MAN1A2: variants seen among roughly 807,000 people sequenced by gnomAD.
The protein encoded by MAN1A2 is mannosyl-oligosaccharide 1,2-alpha-mannosidase IB.
In MAN1A2, 26 loss-of-function variants were observed where a neutral mutation model predicts 75.7. That is an observed-to-expected ratio of 0.34 (90% CI 0.25 to 0.48). MAN1A2 has a LOEUF of 0.48. MAN1A2 is among the 20% of genes least tolerant of loss of function. The pLI, the probability that MAN1A2 is intolerant of heterozygous loss-of-function variation, is 0.99. For missense variants in MAN1A2, 562 were observed against 775.5 expected, an observed-to-expected ratio of 0.72 and a Z score of 3.27; for synonymous variants, 247 against 264.6, an observed-to-expected ratio of 0.93 and a Z score of 0.65.
chr1:117,402,386 G>C lies in MAN1A2; in HGVS notation c.503G>C (p.Arg168Pro). The C allele has an allele frequency of 6.2e-7, 1 of 1,613,022 alleles. No homozygotes were observed. Among genetic ancestry groups the C allele is most frequent in the Non-Finnish European group, 8.5e-7 (1 of 1,179,552 alleles). ...PVPIPNLVGIRGGDPEDNDIR... is the reference protein window; with the variant it reads ...PVPIPNLVGIPGGDPEDNDIR... ...CCTATTCCCAACCTTGTAGGAATAC[G>C]TGGTGGAGACCCAGAAGATAATGAC... The change falls in exon 2 of 13, where the codon CGT (arginine) becomes CCT (proline). Residue 168 changes from arginine (R) to proline (P), a missense_variant. By Grantham distance (103) the Arg-to-Pro change is moderately radical. Coordinates refer to ENST00000356554, the MANE Select transcript of MAN1A2 (RefSeq NM_006699.5).
intron 6 of MAN1A2, among the ~76,000 whole-genome samples, chr1:117,452,909 T>C (rs1235858276): frequency 2.0e-5 from 3 of 152,218 alleles, no homozygotes; most frequent in Non-Finnish European, 4.4e-5. Context: ...AAGGACAGGC[T>C]GACTCTTGTT....
rs112662550 is a variant in MAN1A2, at chr1:117,439,604, C to T, written c.856-2627C>T. 1.4e-4 allele frequency among the ~76,000 whole-genome samples: 21 copies of T among 152,118 alleles called. 2 individuals are homozygous for T. The highest frequency in any genetic ancestry group is 7.8e-4 in the East Asian group (4 of 5,150). ...CGCCTCCCGGGTTCAAATGATTCTC[C>T]GGCCTCAGCCTCCTGAGTAGCTGGG... On this transcript the variant is annotated intron_variant, in intron 5 of 12. Transcript: ENST00000356554.
chr1:117,508,115 A>T (rs2101886869), intron 12 of MAN1A2, among the ~76,000 whole-genome samples: 1 of 151,662 alleles, frequency 6.6e-6, no homozygotes, highest in East Asian at 1.9e-4. Context: ...TTATATATGT[A>T]CCTTAGTGTC....
At chr1:117,398,266 A>G (rs569220384) in intron 1 of MAN1A2, among the ~76,000 whole-genome samples, 4 of 152,326 alleles carry the variant, frequency 2.6e-5, no homozygotes, top group South Asian at 4.1e-4. Context: ...ATCTAGGAGA[A>G]GTTATGATTG....
intron 6 of MAN1A2, among the ~76,000 whole-genome samples, chr1:117,456,475 A>G (rs529827243): frequency 2.6e-5 from 4 of 152,134 alleles, no homozygotes; most frequent in South Asian, 4.1e-4. Flanking sequence ...GGTATCCTGT[A>G]AAATAATTCT....
intron 8 of MAN1A2, among the ~76,000 whole-genome samples, chr1:117,490,731 C>T (rs1650852100): frequency 6.6e-6 from 1 of 152,014 alleles, no homozygotes; most frequent in Non-Finnish European, 1.5e-5. Flanking sequence ...AAGCCTCTTG[C>T]ACCAGTTAGG....
intron 1 of MAN1A2, among the ~76,000 whole-genome samples, chr1:117,400,131 A>G (rs1647373620): frequency 6.6e-6 from 1 of 151,874 alleles, no homozygotes; most frequent in Non-Finnish European, 1.5e-5. Flanking sequence ...TCAGTTTCTC[A>G]TGGTTTCATT....
In MAN1A2 at chr1:117,499,565, CA is replaced by C; in HGVS notation, c.1677+13del. ...TGGGAAGCAGCACTGGTAAATAAGCCAATATTCCATTTTATCTGCAAGAGTG... is the reference window on the plus strand; with the variant it reads ...TGGGAAGCAGCACTGGTAAATAAGCCATATTCCATTTTATCTGCAAGAGTG... On this transcript the variant is annotated intron_variant, in intron 11 of 12. Coordinates refer to ENST00000356554, the MANE Select transcript of MAN1A2 (RefSeq NM_006699.5). 1.9e-6 allele frequency: 3 copies of C among 1,584,502 alleles called. No homozygotes were observed. Among genetic ancestry groups the C allele is most frequent in the Non-Finnish European group, 2.6e-6 (3 of 1,165,838 alleles).
At chr1:117,394,143 G>A (rs138757754) in intron 1 of MAN1A2, among the ~76,000 whole-genome samples, 11,691 of 151,100 alleles carry the variant, frequency 0.077, 508 homozygotes, top group Middle Eastern at 0.15. Flanking sequence ...GTGCAGTGGC[G>A]CAGTCTTGGC....
intron 1 of MAN1A2, among the ~76,000 whole-genome samples, chr1:117,376,156 C>T (rs1291061730): frequency 2.0e-5 from 3 of 152,166 alleles, no homozygotes; most frequent in South Asian, 2.1e-4. Context: ...GTGATCCGCC[C>T]GCCTCGGCCT....
At chr1:117,393,660 T>G (rs567614221) in intron 1 of MAN1A2, among the ~76,000 whole-genome samples, 2 of 151,850 alleles carry the variant, frequency 1.3e-5, no homozygotes, top group East Asian at 3.9e-4. Flanking sequence ...CATTTAGCAT[T>G]TTTTTTTAGT....
chr1:117,393,205 C>A (rs1653788866), intron 1 of MAN1A2, among the ~76,000 whole-genome samples: 1 of 152,140 alleles, frequency 6.6e-6, no homozygotes, highest in African/African-American at 2.4e-5. Flanking sequence ...TCATCTTAGA[C>A]CAGATTTGTA....
rs1436947311 is a variant in MAN1A2, at chr1:117,523,589, T to G, written c.*632T>G. 5 of 166,778 alleles carry G rather than the reference T, an allele frequency of 3.0e-5. No homozygotes were observed. Among genetic ancestry groups the G allele is most frequent in the Non-Finnish European group, 6.5e-5 (5 of 76,988 alleles). 10.3% of individuals were successfully genotyped at this position (166,778 alleles called of 1,614,324 possible). On this transcript the variant is annotated 3_prime_UTR_variant, in exon 13 of 13. Transcript: ENST00000356554. ...AATCCCAGTCTATTTCATTGAAATT[T>G]CTTGGTTAAGTTTAATTTTCTCTGG...
intron 5 of MAN1A2, among the ~76,000 whole-genome samples, chr1:117,436,568 A>T (rs1426384051): frequency 1.3e-5 from 2 of 152,238 alleles, no homozygotes; most frequent in Admixed American, 1.3e-4. Flanking sequence ...AGTACCAGGA[A>T]TGCAAGTCCC....
At chr1:117,479,149 T>G (rs548069644) in intron 8 of MAN1A2, among the ~76,000 whole-genome samples, 1 of 151,862 alleles carries the variant, frequency 6.6e-6, no homozygotes, top group African/African-American at 2.4e-5. Flanking sequence ...CATTCTGCAC[T>G]CACTTATAAG....
At chr1:117,421,584 G>A (rs1004231124) in intron 5 of MAN1A2, among the ~76,000 whole-genome samples, 2 of 150,002 alleles carry the variant, frequency 1.3e-5, no homozygotes, top group Non-Finnish European at 3.0e-5. Flanking sequence ...TTCATTTATT[G>A]TTGTTCCTTT....
intron 5 of MAN1A2, among the ~76,000 whole-genome samples, chr1:117,429,240 C>A (rs1557946245): frequency 1.4e-5 from 2 of 143,728 alleles, no homozygotes; most frequent in Non-Finnish European, 3.1e-5. Context: ...ATTTCTCAAT[C>A]TTTTCCCCAC....
intron 12 of MAN1A2, among the ~76,000 whole-genome samples, chr1:117,507,185 CACA>C (rs1336529030): frequency 1.3e-5 from 2 of 151,450 alleles, no homozygotes; most frequent in Non-Finnish European, 3.0e-5. Context: ...AAAACAGACC[CACA>C]ACAAGGCACA....
rs530721185 is a variant in MAN1A2, at chr1:117,422,789, A to T, written c.855+2140A>T. Among the ~76,000 whole-genome samples the T allele has an allele frequency of 3.4e-4, 52 of 152,126 alleles. 1 individual carries two copies. The South Asian group carries it at 4.1e-3, about 12-fold the overall frequency. On this transcript the variant is annotated intron_variant, in intron 5 of 12. Transcript: ENST00000356554. ...TTTTTTTGAATTATTAAATTGTGAT[A>T]GTTCTTTACATATTTTGGACATAGG...
Sources: gnomAD v4.1 joint callset for allele counts (sites outside exome capture counted in the v4.1 genomes callset) on GRCh38, gnomAD v4.1.1 for gene constraint, MANE v1.5 for transcripts, NCBI Gene and HGNC (gene_info 2026-07-23, HGNC 2026-07-21) for gene names.